TACC2: variants seen among roughly 807,000 people sequenced by gnomAD.
TACC2 encodes transforming acidic coiled-coil-containing protein 2.
Under a neutral mutation model 227.3 loss-of-function variants are expected in TACC2, and 137 were observed. The ratio of observed to expected loss-of-function variants is 0.60; its 90% confidence interval spans 0.52 to 0.69. The LOEUF is 0.69. TACC2 is among the 30% of genes least tolerant of loss of function. The probability of loss-of-function intolerance (pLI) is 0.00; values close to 1 mark genes in which losing one functional copy is unlikely to be tolerated. For synonymous variants in TACC2, 1,523 were observed against 1,487.5 expected (o/e 1.02, Z -0.55); for missense variants, 3,470 against 3,694.4 (o/e 0.94, Z 1.57).
At chr10:121,998,312 CAAAA>C (rs1278618833) in intron 1 of TACC2, among the ~76,000 whole-genome samples, 4 of 70,612 alleles carry the variant, frequency 5.7e-5, no homozygotes, top group African/African-American at 1.2e-4. Context: ...ACCACGTTCT[CAAAA>C]AAAAAAAAAA....
At chr10:122,105,448 T>TC (rs968292050) in intron 5 of TACC2, among the ~76,000 whole-genome samples, 1 of 152,154 alleles carries the variant, frequency 6.6e-6, no homozygotes, top group Non-Finnish European at 1.5e-5. Context: ...TTCGATGGAA[T>TC]GGAGGTTTCC....
Position 122,105,942 on chromosome 10 carries a change from C to CTGTGTGTGTGTG in TACC2, c.5573+17352_5573+17353insGTGTGTGTGTGT, listed in dbSNP as rs756793588. On this transcript the variant is annotated intron_variant, in intron 5 of 22. Coordinates refer to ENST00000369005, the MANE Select transcript of TACC2 (RefSeq NM_206862.4). ...CTGGCCTGTCATAAACATTTTCTCT[C>CTGTGTGTGTGTG]TCTGTGTGTGTGTGTGTGTGTGTGT... 1.5e-4 allele frequency among the ~76,000 whole-genome samples: 17 copies of CTGTGTGTGTGTG among 109,762 alleles called. No individual in the cohort carries two copies. In the South Asian group the frequency reaches 2.2e-3, roughly 14 times the overall value. The allele number at this position is 109,762 out of a possible 152,430, so 72.0% of individuals were successfully genotyped here. A position where few individuals can be genotyped will look rare whatever the true frequency, so the allele number is the denominator to read the frequency against.
chr10:122,027,869 G>A (rs1388907407), intron 2 of TACC2, among the ~76,000 whole-genome samples: 1 of 150,978 alleles, frequency 6.6e-6, no homozygotes, highest in Non-Finnish European at 1.5e-5. Context: ...TCAGCCTCCC[G>A]AGTAGCTGGG....
At chr10:122,238,211 A>G (rs1158125639) in intron 18 of TACC2, among the ~76,000 whole-genome samples, 174 bp downstream of exon 18, 1 of 152,202 alleles carries the variant, frequency 6.6e-6, no homozygotes, top group African/African-American at 2.4e-5. Flanking sequence ...TATTACTAAA[A>G]TAGCATGCAC....
chr10:122,235,202 C>A (rs529456991), intron 16 of TACC2, among the ~76,000 whole-genome samples: 1 of 152,322 alleles, frequency 6.6e-6, no homozygotes, highest in South Asian at 2.1e-4. Flanking sequence ...ATTCTCGTGC[C>A]TCAGCCTCCC....
chr10:121,996,315 C>T (rs1243983268), intron 1 of TACC2, among the ~76,000 whole-genome samples: 1 of 152,162 alleles, frequency 6.6e-6, no homozygotes, highest in Non-Finnish European at 1.5e-5. Flanking sequence ...CTCGACCTCC[C>T]ACAGTGCTGG....
intron 3 of TACC2, among the ~76,000 whole-genome samples, chr10:122,067,062 C>A (rs2077465225): frequency 6.6e-6 from 1 of 152,176 alleles, no homozygotes; most frequent in South Asian, 2.1e-4. Context: ...AGCCAATTAT[C>A]TTTTAAAAGA....
chr10:122,104,752 T>C (rs893306151), intron 5 of TACC2, among the ~76,000 whole-genome samples: 3 of 152,244 alleles, frequency 2.0e-5, no homozygotes, highest in African/African-American at 7.2e-5. Flanking sequence ...TTTCCTAATA[T>C]GTAAATGCAT....
chr10:122,203,147 C>G lies in TACC2; in HGVS notation c.5972-7250C>G, dbSNP rs1475456621. Among the ~76,000 whole-genome samples, 7 of 152,398 alleles carry G rather than the reference C, an allele frequency of 4.6e-5. No homozygotes were observed. The East Asian group carries it at 1.2e-3, about 25-fold the overall frequency. On this transcript the variant is annotated intron_variant, in intron 8 of 22. Transcript: ENST00000369005. The stretch of plus-strand genomic sequence containing the variant: ...TATTCTACAAAACCGCCATTGTCAT[C>G]ATGGCCCGTTCTCAACGAGCTGCTG...
At chr10:122,173,273 G>T (rs1055181528) in intron 7 of TACC2, among the ~76,000 whole-genome samples, 1 of 152,112 alleles carries the variant, frequency 6.6e-6, no homozygotes, top group Non-Finnish European at 1.5e-5. Context: ...TGGCTTCCTG[G>T]GGCTGCCTCA....
chr10:122,087,767 C>G lies in TACC2; in HGVS notation c.5267C>G (p.Pro1756Arg). 6.2e-7 allele frequency: 1 copy of G among 1,608,060 alleles called. No homozygotes were observed. Among genetic ancestry groups the G allele is most frequent in the Non-Finnish European group, 8.5e-7 (1 of 1,177,302 alleles). The change falls in exon 4 of 23, where the codon CCG becomes CGG. Residue 1756 changes from proline to arginine, a missense_variant. Pro to Arg is a moderately radical substitution (Grantham distance 103). This residue lies in a region of TACC2 where 1,924 missense variants were observed against 1,978.3 expected (regional missense o/e 0.97). Coordinates refer to ENST00000369005, the MANE Select transcript of TACC2 (RefSeq NM_206862.4). ...CQDPACSDKAPGMEGTAALHG... is the reference protein window; with the variant it reads ...CQDPACSDKARGMEGTAALHG... ...GACCCAGCCTGCTCTGACAAGGCTC[C>G]GGGGATGGAGGGTACAGCTGCCCTT...
chr10:122,238,295 A>G (rs2095901284), intron 18 of TACC2, among the ~76,000 whole-genome samples: 2 of 152,232 alleles, frequency 1.3e-5, no homozygotes, highest in African/African-American at 4.8e-5. Context: ...CTCCAGTTCC[A>G]CAACTCGCAG....
At chr10:122,107,124 T>G (rs1381921703) in intron 5 of TACC2, among the ~76,000 whole-genome samples, 1 of 152,190 alleles carries the variant, frequency 6.6e-6, no homozygotes, top group East Asian at 1.9e-4. Flanking sequence ...ACCCAATTAT[T>G]TAAACAAAAG....
intron 8 of TACC2, among the ~76,000 whole-genome samples, chr10:122,198,085 A>G (rs146781460): frequency 1.2e-3 from 189 of 152,368 alleles, no homozygotes; most frequent in African/African-American, 4.5e-3. Flanking sequence ...GGCTGTGAAT[A>G]AAGATGGTTT....
intron 3 of TACC2, among the ~76,000 whole-genome samples, chr10:122,061,019 A>AGT (rs1554986977): frequency 1.8e-4 from 3 of 16,594 alleles, no homozygotes; most frequent in African/African-American, 3.1e-4. Flanking sequence ...AAAAAAAAAA[A>AGT]GGGGGGGGGG....
intron 22 of TACC2, among the ~76,000 whole-genome samples, chr10:122,252,491 T>TC (rs1232621316): frequency 5.9e-5 from 9 of 151,264 alleles, no homozygotes; most frequent in Admixed American, 5.9e-4. Flanking sequence ...GTTTTTTTTT[T>TC]CTTTCTTTTT....
intron 5 of TACC2, among the ~76,000 whole-genome samples, chr10:122,110,605 TCA>T (rs1239440035): frequency 6.6e-6 from 1 of 152,174 alleles, no homozygotes; most frequent in South Asian, 2.1e-4. Flanking sequence ...CAGTCATTCC[TCA>T]CAGAGGTGCC....
At chr10:122,196,271 T>G (rs1041382732) in intron 8 of TACC2, among the ~76,000 whole-genome samples, 1 of 152,216 alleles carries the variant, frequency 6.6e-6, no homozygotes, top group Non-Finnish European at 1.5e-5. Flanking sequence ...TTGGAAAGGA[T>G]GTACACTCCC....
At chr10:122,043,072 G>T (rs751572118) in intron 2 of TACC2, among the ~76,000 whole-genome samples, 1 of 152,154 alleles carries the variant, frequency 6.6e-6, no homozygotes, top group Non-Finnish European at 1.5e-5. Flanking sequence ...CCAGTTTATT[G>T]ACGGAGAGAG....
Sources: gnomAD v4.1 joint callset for allele counts (sites outside exome capture counted in the v4.1 genomes callset) on GRCh38, gnomAD v4.1.1 for gene constraint, gnomAD v4.1.1 regional missense constraint, MANE v1.5 for transcripts, NCBI Gene and HGNC (gene_info 2026-07-23, HGNC 2026-07-21) for gene names.